The following FAM110B variants were observed in gnomAD, a reference collection of about 807,000 sequenced individuals.
FAM110B encodes the protein protein FAM110B.
FAM110B carries 6 observed loss-of-function variants against 20.4 expected under a neutral mutation model. The ratio of observed to expected loss-of-function variants is 0.29; its 90% CI spans 0.16 to 0.58. The LOEUF is 0.58. FAM110B is among the 20% of genes least tolerant of loss of function. The pLI is 0.90. For missense variants in FAM110B, 434 were observed against 498.2 expected, an observed-to-expected ratio of 0.87 and a Z score of 1.23; for synonymous variants, 226 against 214.1, an observed-to-expected ratio of 1.06 and a Z score of -0.49.
chr8:58,066,316 C>G (rs1299044850), intron 2 of FAM110B, among the ~76,000 whole-genome samples: 4 of 152,210 alleles, frequency 2.6e-5, no homozygotes, highest in Non-Finnish European at 5.9e-5. Context: ...TGAGAACTCA[C>G]ACTCGGTGTT....
At chr8:58,128,926 C>T (rs1010628731) in intron 3 of FAM110B, among the ~76,000 whole-genome samples, 1 of 152,108 alleles carries the variant, frequency 6.6e-6, no homozygotes, top group Non-Finnish European at 1.5e-5. Context: ...ATTGGCTCTT[C>T]ATAGACGTAT....
intron 3 of FAM110B, chr8:58,113,088 TG>T (rs35552185): frequency 0.26 from 39,272 of 151,102 alleles, 5,977 homozygotes; most frequent in African/African-American, 0.43. Flanking sequence ...TTCCCATTCA[TG>T]GGGGGGGGCT....
At chr8:58,049,479 T>C (rs564531314) in intron 2 of FAM110B, among the ~76,000 whole-genome samples, 2 of 152,146 alleles carry the variant, frequency 1.3e-5, no homozygotes, top group African/African-American at 2.4e-5. Context: ...TTAGGTCAGA[T>C]GTTTCTCATT....
At chr8:58,095,149 CT>C (rs1345197097) in intron 3 of FAM110B, among the ~76,000 whole-genome samples, 1 of 151,986 alleles carries the variant, frequency 6.6e-6, no homozygotes, top group Non-Finnish European at 1.5e-5. Flanking sequence ...CTTTATTAGT[CT>C]GGCTAGTGGT....
At chr8:58,099,870 C>T (rs1020855487) in intron 3 of FAM110B, among the ~76,000 whole-genome samples, 6 of 152,062 alleles carry the variant, frequency 3.9e-5, no homozygotes, top group Non-Finnish European at 8.8e-5. Flanking sequence ...GTTTTATGTG[C>T]TTGATTTCAT....
chr8:58,033,306 G>A (rs1443427795), intron 2 of FAM110B, among the ~76,000 whole-genome samples: 2 of 152,062 alleles, frequency 1.3e-5, no homozygotes, highest in Non-Finnish European at 2.9e-5. Context: ...CACCATTGAT[G>A]TACACCTAGG....
intron 1 of FAM110B, among the ~76,000 whole-genome samples, chr8:58,007,722 G>T (rs573214095): frequency 2.0e-5 from 3 of 152,198 alleles, no homozygotes; most frequent in Admixed American, 2.0e-4. Flanking sequence ...CTCATCAGAC[G>T]CTGGATCTGC....
intron 2 of FAM110B, among the ~76,000 whole-genome samples, chr8:58,044,638 A>G (rs1345387140): frequency 1.3e-5 from 2 of 152,242 alleles, no homozygotes; most frequent in African/African-American, 2.4e-5. Flanking sequence ...TAACAAAATC[A>G]TCAGCTTTGT....
intron 3 of FAM110B, among the ~76,000 whole-genome samples, chr8:58,136,168 C>T (rs1184202460): frequency 2.6e-5 from 4 of 152,014 alleles, no homozygotes; most frequent in Non-Finnish European, 4.4e-5. Context: ...CGTGCCACCA[C>T]GCCCAGCTAA....
chr8:58,066,194 A>G (rs1190375080), intron 2 of FAM110B, among the ~76,000 whole-genome samples: 2 of 152,212 alleles, frequency 1.3e-5, no homozygotes, highest in East Asian at 1.9e-4. Context: ...AAGATGCACA[A>G]CTGACTTCTA....
chr8:58,008,598 G>A (rs1204498201), intron 1 of FAM110B, among the ~76,000 whole-genome samples: 1 of 152,160 alleles, frequency 6.6e-6, no homozygotes, highest in Non-Finnish European at 1.5e-5. Flanking sequence ...GGAATATTCA[G>A]AATCCTCTCT....
intron 3 of FAM110B, among the ~76,000 whole-genome samples, chr8:58,136,530 G>A (rs576100810): frequency 1.2e-4 from 19 of 152,242 alleles, no homozygotes; most frequent in African/African-American, 3.4e-4. Context: ...TTGTATTTGC[G>A]TAAAGGAATT....
chr8:58,078,462 G>T (rs190184808), intron 3 of FAM110B, among the ~76,000 whole-genome samples: 8 of 149,208 alleles, frequency 5.4e-5, no homozygotes, highest in African/African-American at 2.0e-4. Flanking sequence ...TTTGTTTCTT[G>T]TTATCTTATT....
intron 1 of FAM110B, among the ~76,000 whole-genome samples, chr8:58,029,834 T>G (rs2150572410): frequency 6.6e-6 from 1 of 152,326 alleles, no homozygotes; most frequent in Non-Finnish European, 1.5e-5. Context: ...ATGGCAACTT[T>G]GAAGATAAAT....
intron 3 of FAM110B, chr8:58,113,372 G>C: frequency 4.6e-6 from 1 of 218,242 alleles, no homozygotes; most frequent in East Asian, 1.1e-4. Flanking sequence ...CACTGCACCT[G>C]CTCAGTGTAG....
At chr8:58,037,157 T>C (rs1434055427) in intron 2 of FAM110B, among the ~76,000 whole-genome samples, 1 of 152,132 alleles carries the variant, frequency 6.6e-6, no homozygotes, top group Non-Finnish European at 1.5e-5. Flanking sequence ...GTCTATAAGC[T>C]GATCAACCTA....
chr8:58,026,404 T>C (rs1286534562), intron 1 of FAM110B, among the ~76,000 whole-genome samples: 2 of 152,036 alleles, frequency 1.3e-5, no homozygotes, highest in Admixed American at 6.6e-5. Flanking sequence ...TCAGGAAATA[T>C]GTGTTGAATA....
intron 3 of FAM110B, among the ~76,000 whole-genome samples, chr8:58,113,821 A>G (rs369165499): frequency 1.3e-3 from 197 of 152,368 alleles, no homozygotes; most frequent in African/African-American, 4.0e-3. Flanking sequence ...ATGTCACTTC[A>G]TAGGTTTTCA....
chr8:58,075,843 G>T (rs778086266), intron 3 of FAM110B, among the ~76,000 whole-genome samples: 2 of 152,180 alleles, frequency 1.3e-5, no homozygotes, highest in African/African-American at 2.4e-5. Context: ...GCTGTTTGCC[G>T]TTCCAAGGGG....
Sources: gnomAD v4.1 joint callset for allele counts (sites outside exome capture counted in the v4.1 genomes callset) on GRCh38, gnomAD v4.1.1 for gene constraint, MANE v1.5 for transcripts, NCBI Gene and HGNC (gene_info 2026-07-23, HGNC 2026-07-21) for gene names.